The following CTXND2 variants were observed in gnomAD, a reference collection of about 807,000 sequenced individuals.
CTXND2 encodes the protein cortexin domain containing 2.
intron 1 of CTXND2, among the ~76,000 whole-genome samples, chr1:150,905,696 A>G (rs587734484): frequency 6.6e-6 from 1 of 152,260 alleles, no homozygotes; most frequent in African/African-American, 2.4e-5. Context: ...ACCACAGTAT[A>G]TATAAAGAAT....
rs200757608 is a variant in CTXND2, at chr1:150,892,530, T to TC, written c.-74+5217_-74+5218insC. On this transcript the variant is annotated intron_variant, in intron 1 of 1. Transcript: ENST00000636087. ...CAGAATGTCTTATTCTTCTTCTTCT[T>TC]TTTTTTTTTTTTTTTTTTATTGAGA... is the stretch of plus-strand genomic sequence containing the variant. 7.6e-3 allele frequency among the ~76,000 whole-genome samples: 242 copies of TC among 31,978 alleles called. 2 individuals are homozygous for TC. The East Asian group carries it at 0.095, about 13-fold the overall frequency. 21.0% of individuals were successfully genotyped at this position (31,978 alleles called of 152,430 possible).
intron 1 of CTXND2, among the ~76,000 whole-genome samples, chr1:150,900,646 A>G (rs1184386311): frequency 7.5e-6 from 1 of 134,116 alleles, no homozygotes; most frequent in African/African-American, 2.6e-5. Flanking sequence ...AGACTTTCTC[A>G]AAAAACAAAC....
intron 1 of CTXND2, among the ~76,000 whole-genome samples, chr1:150,891,891 C>G (rs1019560529): frequency 1.1e-4 from 17 of 152,188 alleles, no homozygotes; most frequent in African/African-American, 3.6e-4. Flanking sequence ...TTCTTTCCCA[C>G]TTTACCCAGC....
intron 1 of CTXND2, among the ~76,000 whole-genome samples, chr1:150,901,768 A>G (rs1669039977): frequency 6.6e-6 from 1 of 151,712 alleles, no homozygotes; most frequent in Non-Finnish European, 1.5e-5. Context: ...CAAAAAAAAA[A>G]TTAGCTGGGC....
intron 1 of CTXND2, among the ~76,000 whole-genome samples, chr1:150,910,121 T>C (rs1020005530): frequency 7.1e-6 from 1 of 140,108 alleles, no homozygotes; most frequent in African/African-American, 2.8e-5. Context: ...CTTTTTTCTG[T>C]TTTTTTTTTT....
At chr1:150,893,982 T>A (rs1668884386) in intron 1 of CTXND2, among the ~76,000 whole-genome samples, 1 of 130,088 alleles carries the variant, frequency 7.7e-6, no homozygotes, top group African/African-American at 2.7e-5. Flanking sequence ...TATCTTTTTT[T>A]TCTTTTTTTT....
At chr1:150,910,630 A>ATTTT (rs200364038) in intron 1 of CTXND2, among the ~76,000 whole-genome samples, 2 of 129,888 alleles carry the variant, frequency 1.5e-5, no homozygotes, top group African/African-American at 5.9e-5. Context: ...TGGACTCTCA[A>ATTTT]TTTTTTTTTT....
intron 1 of CTXND2, among the ~76,000 whole-genome samples, chr1:150,900,657 CA>C (rs5777742): frequency 0.36 from 53,652 of 150,054 alleles, 9,848 homozygotes; most frequent in South Asian, 0.53. Flanking sequence ...AAAAACAAAC[CA>C]AAAAAAAACC....
chr1:150,893,585 AG>A (rs1469748818), intron 1 of CTXND2, among the ~76,000 whole-genome samples: 2 of 152,280 alleles, frequency 1.3e-5, no homozygotes, highest in East Asian at 1.9e-4. Context: ...CAGCCTCCTG[AG>A]TAGCTGGAAG....
At chr1:150,891,840 G>A (rs1668855333) in intron 1 of CTXND2, among the ~76,000 whole-genome samples, 1 of 151,960 alleles carries the variant, frequency 6.6e-6, no homozygotes. Context: ...TTCATGTGTT[G>A]GCCTCTTCAG....
At chr1:150,901,939 A>T (rs1256194080) in intron 1 of CTXND2, among the ~76,000 whole-genome samples, 1 of 151,306 alleles carries the variant, frequency 6.6e-6, no homozygotes, top group East Asian at 2.0e-4. Flanking sequence ...AAAAAAAAAT[A>T]AATTCAATGG....
intron 1 of CTXND2, among the ~76,000 whole-genome samples, chr1:150,898,697 A>T (rs1233906964): frequency 4.7e-5 from 7 of 150,294 alleles, no homozygotes; most frequent in African/African-American, 1.5e-4. Context: ...CAGAGGTTGC[A>T]GTGAGCTGAG....
At chr1:150,896,816 T>C (rs932052570) in intron 1 of CTXND2, among the ~76,000 whole-genome samples, 5 of 152,214 alleles carry the variant, frequency 3.3e-5, no homozygotes, top group African/African-American at 1.2e-4. Context: ...AAATTCTATA[T>C]GATCCCTACT....
At chr1:150,908,146 G>A (rs1434645246) in intron 1 of CTXND2, among the ~76,000 whole-genome samples, 1 of 151,944 alleles carries the variant, frequency 6.6e-6, no homozygotes, top group Non-Finnish European at 1.5e-5. Context: ...GGGATTACAG[G>A]TGTGCGCCAT....
chr1:150,907,685 T>TTGC (rs1669173504), intron 1 of CTXND2, among the ~76,000 whole-genome samples: 1 of 151,006 alleles, frequency 6.6e-6, no homozygotes, highest in African/African-American at 2.4e-5. Context: ...AGGAGTGGAA[T>TTGC]TGCTGCGTCA....
intron 1 of CTXND2, among the ~76,000 whole-genome samples, chr1:150,907,975 C>T (rs1409597763): frequency 1.3e-5 from 2 of 150,762 alleles, no homozygotes; most frequent in South Asian, 2.1e-4. Flanking sequence ...TCCCAAAGTG[C>T]TGGGATTACA....
intron 1 of CTXND2, among the ~76,000 whole-genome samples, chr1:150,900,140 T>C: frequency 6.6e-6 from 1 of 152,068 alleles, no homozygotes; most frequent in Admixed American, 6.6e-5. Context: ...TTTGCTCTTC[T>C]CAATAAATCT....
intron 1 of CTXND2, among the ~76,000 whole-genome samples, chr1:150,908,564 A>C (rs947975111): frequency 6.6e-6 from 1 of 152,144 alleles, no homozygotes; most frequent in African/African-American, 2.4e-5. Flanking sequence ...TTCCTTATGC[A>C]GAAAAAGAAA....
At chr1:150,909,694 T>C (rs1265900240) in intron 1 of CTXND2, among the ~76,000 whole-genome samples, 4 of 152,188 alleles carry the variant, frequency 2.6e-5, no homozygotes, top group Admixed American at 2.6e-4. Flanking sequence ...GGTGTGAAAT[T>C]GTTACCAAAA....
Sources: allele counts gnomAD v4.1 joint callset (sites outside exome capture counted in the v4.1 genomes callset), GRCh38; gene constraint gnomAD v4.1.1; transcripts MANE v1.5; gene names NCBI Gene and HGNC (gene_info 2026-07-23, HGNC 2026-07-21).